The following FRMPD4 variants were observed in gnomAD, a reference collection of about 807,000 sequenced individuals.
FRMPD4 encodes the protein FERM and PDZ domain containing 4, also known as FERM and PDZ domain-containing protein 4.
Under a neutral mutation model 94.1 loss-of-function variants are expected in FRMPD4, and 22 were observed. The observed-to-expected ratio is 0.23, with a 90% CI of 0.17 to 0.33. The LOEUF (loss-of-function observed/expected upper bound fraction) is 0.33, where lower values mean the gene tolerates loss of function less well. Among genes scored for constraint, FRMPD4 ranks in the 10% least tolerant of loss-of-function variants. The probability of loss-of-function intolerance (pLI) is 1.00; values close to 1 mark genes in which losing one functional copy is unlikely to be tolerated. For synonymous variants in FRMPD4, 631 were observed against 548.6 expected (o/e 1.15, Z -2.10); for missense variants, 1,111 against 1,339.9 (o/e 0.83, Z 2.67).
rs1338116365 is a variant in FRMPD4, at chrX:12,332,203, TATATAG to T, written c.42-166475_42-166470del. Among the ~76,000 whole-genome samples, 9 of 67,904 alleles carry T rather than the reference TATATAG, an allele frequency of 1.3e-4. 1 individual carries two copies. The highest frequency in any genetic ancestry group is 4.2e-4 in the African/African-American group (5 of 11,879). 59.0% of individuals were successfully genotyped at this position (67,904 alleles called of 115,157 possible). On this transcript the variant is annotated intron_variant, in intron 1 of 16. Transcript: ENST00000675598. ...ATAATTTATATTTTATATATATATA[TATATAG>T]AGAGAGAGAGAGAGAGAGAGAGAGA...
chrX:12,281,566 G>C (rs925558865), intron 1 of FRMPD4, among the ~76,000 whole-genome samples: 2 of 110,111 alleles, frequency 1.8e-5, no homozygotes, highest in Admixed American at 9.7e-5. Flanking sequence ...GTAAATGCAG[G>C]GTTTTGCCAC....
intron 4 of FRMPD4, among the ~76,000 whole-genome samples, chrX:12,616,010 G>C (rs974300640): frequency 9.0e-6 from 1 of 110,915 alleles, no homozygotes; most frequent in Non-Finnish European, 1.9e-5. Flanking sequence ...GAAATAGAAA[G>C]AGAAGGCACT....
intron 1 of FRMPD4, among the ~76,000 whole-genome samples, chrX:12,340,463 TA>T: frequency 9.0e-6 from 1 of 111,213 alleles, no homozygotes; most frequent in Non-Finnish European, 1.9e-5. Flanking sequence ...GAGGTCAAAG[TA>T]GGCAATTTGT....
At chrX:12,411,390 G>A (rs776530388) in intron 1 of FRMPD4, among the ~76,000 whole-genome samples, 71 of 112,205 alleles carry the variant, frequency 6.3e-4, no homozygotes, top group Non-Finnish European at 1.0e-3. Flanking sequence ...CTGTTTCCAC[G>A]CTTTTCTGTG....
At chrX:12,446,832 G>A (rs1401673417) in intron 1 of FRMPD4, among the ~76,000 whole-genome samples, 1 of 111,607 alleles carries the variant, frequency 9.0e-6, no homozygotes, top group African/African-American at 3.3e-5. Context: ...ACCAGGGGTG[G>A]CTCCACCCCT....
intron 1 of FRMPD4, among the ~76,000 whole-genome samples, chrX:12,321,296 A>G (rs1315159541): frequency 8.9e-6 from 1 of 112,100 alleles, no homozygotes; most frequent in African/African-American, 3.2e-5. Context: ...CTCATTTATA[A>G]ATTATAAACC....
chrX:12,332,013 CTATA>C (rs1254336139), intron 1 of FRMPD4, among the ~76,000 whole-genome samples: 1 of 56,831 alleles, frequency 1.8e-5, no homozygotes, highest in Non-Finnish European at 2.9e-5. Context: ...TATTTATATA[CTATA>C]TATAAATTAT....
intron 1 of FRMPD4, among the ~76,000 whole-genome samples, chrX:12,292,617 A>C (rs1242430029): frequency 9.0e-6 from 1 of 111,698 alleles, no homozygotes; most frequent in Non-Finnish European, 1.9e-5. Flanking sequence ...ACAAGTGTGG[A>C]GTCACTAGCT....
At chrX:12,503,390 G>C (rs1383307257) in intron 2 of FRMPD4, among the ~76,000 whole-genome samples, 1 of 111,783 alleles carries the variant, frequency 8.9e-6, no homozygotes, top group Admixed American at 9.5e-5. Flanking sequence ...TATTCTACCA[G>C]CAATTCCCAC....
rs758268581 is a variant in FRMPD4 at position 12,634,622 on chromosome X, C to T, written c.422+19741C>T. 8.1e-5 allele frequency among the ~76,000 whole-genome samples: 9 copies of T among 110,996 alleles called. No individual in the cohort carries two copies. The East Asian group carries it at 1.4e-3, about 17-fold the overall frequency. On this transcript the variant is annotated intron_variant, in intron 4 of 16. Coordinates refer to ENST00000675598, the MANE Select transcript of FRMPD4 (RefSeq NM_001368397.1). The stretch of plus-strand genomic sequence containing the variant: ...CTCTTAGGATTTATAATAAAAAGTA[C>T]CAAATTTGGAGAAAGCTTCTAAAAG...
chrX:11,909,273 T>C (rs1408216116), intron 3 of FRMPD4, among the ~76,000 whole-genome samples: 1 of 111,931 alleles, frequency 8.9e-6, no homozygotes, highest in Admixed American at 9.5e-5. Flanking sequence ...CTCAAATGAG[T>C]TTTGGCAGTT....
intron 1 of FRMPD4, among the ~76,000 whole-genome samples, chrX:12,233,913 T>C (rs150931737): frequency 1.3e-3 from 150 of 112,151 alleles, no homozygotes; most frequent in African/African-American, 4.6e-3. Flanking sequence ...GTGAATTAAG[T>C]TGCCTCCTCC....
At chrX:11,852,247 A>G (rs770114662) in intron 1 of FRMPD4, among the ~76,000 whole-genome samples, 13 of 109,675 alleles carry the variant, frequency 1.2e-4, no homozygotes, top group African/African-American at 4.3e-4. Context: ...CTACTTATGT[A>G]TCATTAGGAG....
At chrX:12,091,215 T>C (rs1247241431) in intron 3 of FRMPD4, among the ~76,000 whole-genome samples, 2 of 110,389 alleles carry the variant, frequency 1.8e-5, no homozygotes, top group African/African-American at 6.6e-5. Context: ...TTCAAGGACA[T>C]TGCTGCAAAT....
At chrX:12,069,266 T>C (rs1318344949) in intron 3 of FRMPD4, among the ~76,000 whole-genome samples, 2 of 111,745 alleles carry the variant, frequency 1.8e-5, no homozygotes, top group East Asian at 2.8e-4. Context: ...GTCAGAGAAG[T>C]ACATTGGGCT....
chrX:12,606,066 A>G (rs1482128307), intron 2 of FRMPD4, among the ~76,000 whole-genome samples: 1 of 112,615 alleles, frequency 8.9e-6, no homozygotes. Context: ...AAACTAGCAT[A>G]TGGAAAGCAT....
At chrX:12,693,541 A>G (rs2060098221) in intron 8 of FRMPD4, among the ~76,000 whole-genome samples, 1 of 111,964 alleles carries the variant, frequency 8.9e-6, no homozygotes, top group Admixed American at 9.4e-5. Context: ...TATCATCATG[A>G]TATCAGAAGT....
chrX:12,341,009 T>G (rs1028901153), intron 1 of FRMPD4, among the ~76,000 whole-genome samples: 5 of 112,043 alleles, frequency 4.5e-5, no homozygotes, highest in Non-Finnish European at 9.4e-5. Context: ...TCAGGAAAAT[T>G]ACAAACTTCA....
intron 3 of FRMPD4, among the ~76,000 whole-genome samples, chrX:12,047,236 CAT>C (rs2147447958): frequency 9.2e-6 from 1 of 108,789 alleles, no homozygotes; most frequent in East Asian, 2.8e-4. Context: ...TAATACCACA[CAT>C]ATATAAAGTA....
Sources: gnomAD v4.1 joint callset for allele counts (sites outside exome capture counted in the v4.1 genomes callset) on GRCh38, gnomAD v4.1.1 for gene constraint, MANE v1.5 for transcripts, NCBI Gene and HGNC (gene_info 2026-07-23, HGNC 2026-07-21) for gene names.